The following TRMT44 variants were observed in gnomAD, a reference collection of about 807,000 sequenced individuals.
TRMT44 encodes the protein probable tRNA (uracil-O(2)-)-methyltransferase.
Under a neutral mutation model 77.3 loss-of-function variants are expected in TRMT44, and 78 were observed. The observed-to-expected ratio is 1.01, with a 90% CI of 0.84 to 1.22. The LOEUF is 1.22. TRMT44 is among the 50% of genes most tolerant of loss of function. TRMT44 has a pLI of 0.00. For synonymous variants in TRMT44, 391 were observed against 383.3 expected, an observed-to-expected ratio of 1.02 and a Z score of -0.23; for missense variants, 1,090 against 964.4, an observed-to-expected ratio of 1.13 and a Z score of -1.73.
chr4:8,468,407 C>A lies in TRMT44; in HGVS notation c.1927+61C>A, dbSNP rs758816811. The A allele has an allele frequency of 2.0e-6, 3 of 1,536,322 alleles. No individual in the cohort carries two copies. In the East Asian group the frequency reaches 6.8e-5, roughly 35 times the overall value. Reference sequence around the variant, plus strand: ...GCTCCCAGGCTTGAGGGCAGGAATTCACGTCTTCAGAACCGACATGAAATG... The same window carrying A: ...GCTCCCAGGCTTGAGGGCAGGAATTAACGTCTTCAGAACCGACATGAAATG... On this transcript the variant is annotated intron_variant, in intron 9 of 10. Coordinates refer to ENST00000389737, the MANE Select transcript of TRMT44 (RefSeq NM_152544.3).
downstream of TRMT44, among the ~76,000 whole-genome samples, chr4:8,496,413 T>C (rs2631760): frequency 0.99 from 151,419 of 152,322 alleles, 75,260 homozygotes; most frequent in Middle Eastern, 1. Context: ...ATCTGTTAGA[T>C]GGTGGTGGAA....
chr4:8,496,503 A>C (rs1203412502), downstream of TRMT44, among the ~76,000 whole-genome samples: 3 of 152,190 alleles, frequency 2.0e-5, no homozygotes, highest in Non-Finnish European at 4.4e-5. Flanking sequence ...GCAGGAGCTC[A>C]ACCATGCAGT....
At position 8,444,401 on chromosome 4, in the gene TRMT44, CT is replaced by C. The variant is rs1242579405; in HGVS notation, c.620-2060del. On this transcript the variant is annotated intron_variant, in intron 1 of 10. Coordinates refer to ENST00000389737, the MANE Select transcript of TRMT44 (RefSeq NM_152544.3). The surrounding 1 kb of genome is among the most constrained non-coding windows in gnomAD (Gnocchi z 4.0). ...TATAATGAATAATAACTTAATTGTACTTTTTTTTTTTTTTTGAGAGTAGTCT... is the reference window on the plus strand; with the variant it reads ...TATAATGAATAATAACTTAATTGTACTTTTTTTTTTTTTTGAGAGTAGTCT... Among the ~76,000 whole-genome samples, 828 of 141,314 alleles carry C rather than the reference CT, an allele frequency of 5.9e-3. 2 individuals carry two copies. The highest frequency in any genetic ancestry group is 7.2e-3 in the Non-Finnish European group (460 of 64,306). The allele number at this position is 141,314 out of a possible 152,430, so 92.7% of individuals were successfully genotyped here.
intron 3 of TRMT44, among the ~76,000 whole-genome samples, chr4:8,450,862 A>G (rs899326711): frequency 2.1e-5 from 3 of 146,264 alleles, no homozygotes; most frequent in Admixed American, 7.0e-5. Flanking sequence ...CAGTGGTGCA[A>G]TCTTGGCTCA....
chr4:8,486,136 A>G (rs186833973), intron 2 of TRMT44, among the ~76,000 whole-genome samples: 57 of 152,260 alleles, frequency 3.7e-4, no homozygotes, highest in Middle Eastern at 6.8e-3. Context: ...AGGTGAGTTG[A>G]ACAGTCCAGT....
At position 8,452,153 on chromosome 4, in the gene TRMT44, G is replaced by A. The variant is rs1392424837; in HGVS notation, c.1023+125G>A. On this transcript the variant is annotated intron_variant, in intron 4 of 10. Transcript: ENST00000389737. This position sits in a 1 kb window ranked among gnomAD's most constrained non-coding sequence, Gnocchi z 5.7. ...GGTGCTCACAATTCTGCTGGCCAAG[G>A]TTGGTTTCTCGTGTAATGGTTTGAC... is the stretch of plus-strand genomic sequence containing the variant. The A allele has an allele frequency of 4.5e-6, 4 of 892,570 alleles. No homozygotes were observed. The highest frequency in any genetic ancestry group is 5.2e-6 in the Non-Finnish European group (3 of 573,184). 55.3% of individuals were successfully genotyped at this position (892,570 alleles called of 1,614,324 possible). A position where few individuals can be genotyped will look rare whatever the true frequency, so the allele number is the denominator to read the frequency against.
At chr4:8,463,866 G>A (rs576211024) in intron 6 of TRMT44, 119 bp from the exon 7 acceptor site, 4 of 774,436 alleles carry the variant, frequency 5.2e-6, no homozygotes, top group South Asian at 3.4e-5. Flanking sequence ...CATGCAGCAG[G>A]TGAACTGCGG....
At chr4:8,471,854 G>A (rs1024923885) in intron 10 of TRMT44, among the ~76,000 whole-genome samples, 1 of 152,158 alleles carries the variant, frequency 6.6e-6, no homozygotes, top group Non-Finnish European at 1.5e-5. Context: ...TGAGGGAGGG[G>A]GGAGATGTAG....
Position 8,464,048 on chromosome 4 carries a change from C to T in TRMT44, c.1267C>T (p.His423Tyr). ...FPDVDWLIGNHSDELTPWIPV... is the reference protein window; with the variant it reads ...FPDVDWLIGNYSDELTPWIPV... ...TGATGTTGATTGGTTAATCGGTAAC[C>T]ATTCTGATGAACTCACACCATGGAT... is the stretch of plus-strand genomic sequence containing the variant. The change falls in exon 7 of 11, where the codon CAT becomes TAT. Residue 423 changes from histidine (H) to tyrosine (Y), a missense_variant. Physicochemically the swap from His to Tyr is moderately conservative, Grantham distance 83. Coordinates refer to ENST00000389737, the MANE Select transcript of TRMT44 (RefSeq NM_152544.3). 2 of 1,614,112 alleles carry T rather than the reference C, an allele frequency of 1.2e-6. No individual in the cohort carries two copies. The highest frequency in any genetic ancestry group is 1.7e-6 in the Non-Finnish European group (2 of 1,180,008).
At chr4:8,449,557 T>C (rs1725287381) in intron 2 of TRMT44, 112 bp from the exon 3 acceptor site, 1 of 824,540 alleles carries the variant, frequency 1.2e-6, no homozygotes. Context: ...TTTATGTTTT[T>C]GGTAATATAG....
chr4:8,467,774 G>C, intron 8 of TRMT44, 140 bp from the exon 9 acceptor site: 8 of 942,326 alleles, frequency 8.5e-6, no homozygotes, highest in Non-Finnish European at 1.1e-5. Flanking sequence ...TACCTGGCTG[G>C]TGTCAGTTTT....
intron 6 of TRMT44, among the ~76,000 whole-genome samples, chr4:8,462,432 C>T (rs1451135619): frequency 1.5e-5 from 2 of 134,406 alleles, no homozygotes; most frequent in African/African-American, 2.8e-5. Flanking sequence ...AACGGCTGGG[C>T]GTGGTGGCTC....
chr4:8,512,940 T>C, the TRMT44 span, among the ~76,000 whole-genome samples: 1 of 152,150 alleles, frequency 6.6e-6, no homozygotes, highest in Non-Finnish European at 1.5e-5. Context: ...TGAGACAGAG[T>C]GTCACTCTCT....
intron 2 of TRMT44, among the ~76,000 whole-genome samples, chr4:8,448,323 G>A (rs1419985426): frequency 2.6e-5 from 4 of 152,222 alleles, no homozygotes; most frequent in South Asian, 4.1e-4. Context: ...CACGCAGCGG[G>A]AAGTGAGTCT....
chr4:8,501,273 C>T, the TRMT44 span, among the ~76,000 whole-genome samples: 4 of 152,244 alleles, frequency 2.6e-5, no homozygotes, highest in African/African-American at 9.6e-5. This position sits in a 1 kb window ranked among gnomAD's most constrained non-coding sequence, Gnocchi z 4.4. Context: ...CCTGGTCCAT[C>T]GGGGGATGTG....
chr4:8,483,682 C>T (rs368619260), intron 2 of TRMT44, among the ~76,000 whole-genome samples: 18 of 152,250 alleles, frequency 1.2e-4, no homozygotes, highest in African/African-American at 4.1e-4. Flanking sequence ...AAAGGTTTCA[C>T]TGAATACTAA....
downstream of TRMT44, among the ~76,000 whole-genome samples, chr4:8,479,875 CT>C (rs1374051952): frequency 1.3e-5 from 2 of 152,064 alleles, no homozygotes. Flanking sequence ...AATATTTTTC[CT>C]TTTTTTATTT....
rs1052312850 is a variant in TRMT44 at position 8,461,835 on chromosome 4, A to G, written c.1204-2150A>G. Among the ~76,000 whole-genome samples, 4 of 152,062 alleles carry G rather than the reference A, an allele frequency of 2.6e-5. No homozygotes were observed. The highest frequency in any genetic ancestry group is 5.9e-5 in the Non-Finnish European group (4 of 67,992). On this transcript the variant is annotated intron_variant, in intron 6 of 10. Transcript: ENST00000389737. This position sits in a 1 kb window ranked among gnomAD's most constrained non-coding sequence, Gnocchi z 4.6. ...TGAGGGTGGTTCCGTTGACGTGCAC[A>G]TGGTGTTTGTGGATTTTCTAGTGAA...
chr4:8,450,851 G>A (rs1483865703), intron 3 of TRMT44, among the ~76,000 whole-genome samples: 1 of 140,532 alleles, frequency 7.1e-6, no homozygotes, highest in Non-Finnish European at 1.5e-5. Context: ...AGGCTGGGGT[G>A]CAGTGGTGCA....
Sources: allele counts gnomAD v4.1 joint callset (sites outside exome capture counted in the v4.1 genomes callset), GRCh38; gene constraint gnomAD v4.1.1; non-coding constraint Gnocchi (gnomAD v3.1); transcripts MANE v1.5; gene names NCBI Gene and HGNC (gene_info 2026-07-23, HGNC 2026-07-21).